Variants in DNAH10 observed in about 807,000 individuals in gnomAD.
DNAH10 encodes the protein axonemal beta dynein heavy chain 10.
A neutral mutation model predicts 506.6 loss-of-function variants in DNAH10; 348 were observed. The observed-to-expected ratio is 0.69, with a 90% CI of 0.63 to 0.75. The LOEUF (loss-of-function observed/expected upper bound fraction) is 0.75, where lower values mean the gene tolerates loss of function less well. Among genes scored for constraint, DNAH10 ranks in the 30% least tolerant of loss-of-function variants. DNAH10 has a pLI of 0.00. For synonymous variants in DNAH10, 2,059 were observed against 2,198.6 expected (o/e 0.94, Z 1.78); for missense variants, 5,179 against 5,787.1 (o/e 0.89, Z 3.41).
intron 50 of DNAH10, among the ~76,000 whole-genome samples, chr12:123,881,206 G>A (rs1952492969): frequency 2.0e-5 from 3 of 152,150 alleles, no homozygotes; most frequent in South Asian, 4.1e-4. Context: ...TCTAGTTCTA[G>A]ATCCTTGAGG....
Position 123,935,089 on chromosome 12 carries a change from T to G in DNAH10, c.13624-246T>G. 1.7e-5 allele frequency: 10 copies of G among 599,004 alleles called. No homozygotes were observed. In the South Asian group the frequency reaches 2.2e-4, roughly 13 times the overall value. The allele number at this position is 599,004 out of a possible 1,614,324, so 37.1% of individuals were successfully genotyped here. On this transcript the variant is annotated intron_variant, in intron 78 of 78. Coordinates refer to ENST00000673944, the MANE Select transcript of DNAH10 (RefSeq NM_001372106.1). ...GCCTGAGTCATAAAGTGGTTCCCGCTGGTGTGGACAGCAGATGTCTTCTGC... is the reference window on the plus strand; with the variant it reads ...GCCTGAGTCATAAAGTGGTTCCCGCGGGTGTGGACAGCAGATGTCTTCTGC...
chr12:123,774,451 C>T (rs1464921147), intron 5 of DNAH10, among the ~76,000 whole-genome samples, 187 bp downstream of exon 5: 1 of 152,126 alleles, frequency 6.6e-6, no homozygotes, highest in Non-Finnish European at 1.5e-5. Context: ...GACACACACA[C>T]AGAAATATAA....
At chr12:123,930,378 G>C in intron 72 of DNAH10, 24 bp from the exon 73 acceptor site, 3 of 1,512,310 alleles carry the variant, frequency 2.0e-6, no homozygotes, top group Non-Finnish European at 2.6e-6. Flanking sequence ...GCTCCTGGCT[G>C]GCTCTCAGGC....
intron 7 of DNAH10, 21 bp from the exon 8 acceptor site, chr12:123,783,926 T>G (rs1211117974): frequency 5.0e-6 from 8 of 1,602,030 alleles, no homozygotes; most frequent in Non-Finnish European, 6.8e-6. Context: ...GAGTTCTTTG[T>G]GTGTTCATTT....
chr12:123,819,024 T>C lies in DNAH10; in HGVS notation c.3855T>C (p.Asn1285=). ...IWSNLFNDSV[N]VEHALGDIKR... ...CCAATCTGTTTAATGATTCAGTGAA[T>C]GTGGAGCATGCTCTTGGGGACATAA... The change falls in exon 22 of 79, where the codon AAT becomes AAC. Residue 1285 remains asparagine (N), a synonymous_variant. Coordinates refer to ENST00000673944, the MANE Select transcript of DNAH10 (RefSeq NM_001372106.1). The C allele has an allele frequency of 6.2e-7, 1 of 1,606,756 alleles. No homozygotes were observed. Among genetic ancestry groups the C allele is most frequent in the Non-Finnish European group, 8.5e-7 (1 of 1,176,476 alleles).
At chr12:123,781,383 C>A in intron 6 of DNAH10, 84 bp downstream of exon 6, 1 of 1,308,632 alleles carries the variant, frequency 7.6e-7, no homozygotes, top group Non-Finnish European at 1.1e-6. Context: ...CCATGCCTGG[C>A]TAACTTTTGG....
intron 24 of DNAH10, among the ~76,000 whole-genome samples, chr12:123,824,584 C>T (rs1049297005): frequency 7.2e-5 from 11 of 152,284 alleles, no homozygotes; most frequent in East Asian, 3.9e-4. Flanking sequence ...TATCTCCTCA[C>T]GGTTCTGGAG....
intron 29 of DNAH10, among the ~76,000 whole-genome samples, chr12:123,838,995 GGA>G (rs1029131116): frequency 2.6e-4 from 40 of 151,990 alleles, no homozygotes; most frequent in African/African-American, 8.7e-4. Flanking sequence ...TATATTTTTT[GGA>G]GAGATGAGGT....
rs58580127 is a variant in DNAH10, at chr12:123,928,864, C to G, written c.12306+277C>G. ...TTTTCATAAACTTCACGGCCCCCCC[C>G]CCCACACACAGCCTGCAGTTCGCTA... is the stretch of plus-strand genomic sequence containing the variant. On this transcript the variant is annotated intron_variant, in intron 70 of 78. Transcript: ENST00000673944. This position sits in a 1 kb window ranked among gnomAD's most constrained non-coding sequence, Gnocchi z 4.9. 12,745 of 476,550 alleles carry G rather than the reference C, an allele frequency of 0.027. 1,083 individuals are homozygous for G. The highest frequency in any genetic ancestry group is 0.22 in the African/African-American group (9,695 of 43,302). The allele number at this position is 476,550 out of a possible 1,614,324, so 29.5% of individuals were successfully genotyped here. A position where few individuals can be genotyped will look rare whatever the true frequency, so the allele number is the denominator to read the frequency against.
chr12:123,927,794 A>C (rs1293794988), intron 69 of DNAH10: 1 of 153,184 alleles, frequency 6.5e-6, no homozygotes, highest in African/African-American at 2.4e-5. Flanking sequence ...GGCAATACCC[A>C]TGCTGGATGG....
rs568804577 is a variant in DNAH10, at chr12:123,772,983, G to C, written c.505+41G>C. The C allele has an allele frequency of 7.4e-5, 104 of 1,403,090 alleles. No homozygotes were observed. The South Asian group carries it at 1.1e-3, about 15-fold the overall frequency. The allele number at this position is 1,403,090 out of a possible 1,614,324, so 86.9% of individuals were successfully genotyped here. On this transcript the variant is annotated intron_variant, in intron 4 of 78. Transcript: ENST00000673944. The stretch of plus-strand genomic sequence containing the variant: ...GTGTGTGTGTATGTGTGTTGAGGGG[G>C]TGTGGTTGTGCATGCACTTGTTCAC...
At position 123,928,055 on chromosome 12, in the gene DNAH10, G is replaced by T; in HGVS notation, c.12106-332G>T. On this transcript the variant is annotated intron_variant, in intron 69 of 78. Transcript: ENST00000673944. The surrounding 1 kb of genome is among the most constrained non-coding windows in gnomAD (Gnocchi z 4.9). ...CCCGACTTCCTGGTGGGCTTTAGCT[G>T]GTCTCTTGCAGCCCTGCTCAGGAGT... The T allele has an allele frequency of 4.9e-6, 2 of 408,104 alleles. No homozygotes were observed. The highest frequency in any genetic ancestry group is 8.8e-6 in the Non-Finnish European group (2 of 226,268). 25.3% of individuals were successfully genotyped at this position (408,104 alleles called of 1,614,324 possible).
chr12:123,875,330 A>G lies in DNAH10; in HGVS notation c.8038A>G (p.Ile2680Val). 1 of 1,613,972 alleles carries G rather than the reference A, an allele frequency of 6.2e-7. No individual in the cohort carries two copies. The highest frequency in any genetic ancestry group is 8.5e-7 in the Non-Finnish European group (1 of 1,179,866). The change falls in exon 47 of 79, where the codon ATT (isoleucine) becomes GTT (valine). Residue 2680 changes from isoleucine to valine, a missense_variant. This residue lies in a region of DNAH10 where 4,844 missense variants were observed against 5,430.5 expected (regional missense o/e 0.89). Transcript: ENST00000673944. ...DRGKELNCKSIRDLGFIAAMG... is the reference protein window; with the variant it reads ...DRGKELNCKSVRDLGFIAAMG... ...TGGGAAGGAGCTGAACTGTAAAAGC[A>G]TTCGAGACCTTGGCTTTATTGCTGC...
Position 123,813,799 on chromosome 12 carries a change from C to T in DNAH10, c.3667C>T (p.Leu1223Phe), listed in dbSNP as rs936260566. Reference protein sequence around the residue: ...LRKIPNTLEDLKFVLATIAEI... With the variant: ...LRKIPNTLEDFKFVLATIAEI... The stretch of plus-strand genomic sequence containing the variant: ...GAAGATCCCCAATACCCTTGAAGAT[C>T]TCAAGTTTGTCCTTGCAACAATTGC... The change falls in exon 21 of 79, where the codon CTC (leucine) becomes TTC (phenylalanine). Residue 1223 changes from leucine (L) to phenylalanine (F), a missense_variant. By Grantham distance (22) the Leu-to-Phe change is conservative. Transcript: ENST00000673944. The T allele has an allele frequency of 6.2e-7, 1 of 1,613,046 alleles. No individual in the cohort carries two copies. The highest frequency in any genetic ancestry group is 1.3e-5 in the African/African-American group (1 of 74,872).
At position 123,931,262 on chromosome 12, in the gene DNAH10, T is replaced by C. The variant is rs992987239; in HGVS notation, c.12785-79T>C. 6 of 1,572,328 alleles carry C rather than the reference T, an allele frequency of 3.8e-6. No individual in the cohort carries two copies. In the East Asian group the frequency reaches 6.7e-5, roughly 18 times the overall value. On this transcript the variant is annotated intron_variant, in intron 73 of 78. Coordinates refer to ENST00000673944, the MANE Select transcript of DNAH10 (RefSeq NM_001372106.1). Reference sequence around the variant, plus strand: ...CAGTGGAAATTAGTCTTGCATGTCTTGGAGACTTTGAGGCTGTGGGCCCTG... The same window carrying C: ...CAGTGGAAATTAGTCTTGCATGTCTCGGAGACTTTGAGGCTGTGGGCCCTG...
chr12:123,838,627 G>C lies in DNAH10; in HGVS notation c.5074G>C (p.Asp1692His), dbSNP rs374479843. The part of the protein sequence containing the change: ...AFPRFFFISD[D>H]ELLSILGSSD... ...CCCAAGGTTCTTCTTCATTTCTGAC[G>C]ATGAGTTGCTTAGCATTCTGGGGAG... The change falls in exon 29 of 79, where the codon GAT becomes CAT. Residue 1692 changes from aspartate to histidine, a missense_variant. Transcript: ENST00000673944. The C allele has an allele frequency of 6.2e-7, 1 of 1,614,002 alleles. No homozygotes were observed. The highest frequency in any genetic ancestry group is 1.1e-5 in the South Asian group (1 of 91,090).
chr12:123,934,005 G>A, intron 77 of DNAH10: 2 of 501,838 alleles, frequency 4.0e-6, no homozygotes, highest in Non-Finnish European at 7.1e-6. Flanking sequence ...TTGTCTTAGA[G>A]TTCTTTTAAC....
chr12:123,792,451 C>CTTTT (rs78654407), intron 11 of DNAH10, among the ~76,000 whole-genome samples: 17 of 133,454 alleles, frequency 1.3e-4, no homozygotes, highest in Non-Finnish European at 1.9e-4. Flanking sequence ...TTCCTTTGTC[C>CTTTT]TTTTTTTTTT....
intron 32 of DNAH10, among the ~76,000 whole-genome samples, chr12:123,847,392 A>G (rs200321454): frequency 1.2e-4 from 12 of 104,126 alleles, no homozygotes; most frequent in African/African-American, 3.2e-4. Flanking sequence ...GTATTGACTC[A>G]TGTGATGATA....
Sources: allele counts gnomAD v4.1 joint callset (sites outside exome capture counted in the v4.1 genomes callset), GRCh38; gene constraint gnomAD v4.1.1; regional missense constraint gnomAD v4.1.1; non-coding constraint Gnocchi (gnomAD v3.1); transcripts MANE v1.5; gene names NCBI Gene and HGNC (gene_info 2026-07-23, HGNC 2026-07-21).